PDE10A: variants seen among roughly 807,000 people sequenced by gnomAD.
PDE10A encodes cAMP and cAMP-inhibited cGMP 3',5'-cyclic phosphodiesterase 10A.
In PDE10A, 39 loss-of-function variants were observed where a neutral mutation model predicts 97.7. The ratio of observed to expected loss-of-function variants is 0.40; its 90% confidence interval spans 0.31 to 0.52. The LOEUF (loss-of-function observed/expected upper bound fraction) is 0.52. Ranked by LOEUF, PDE10A falls within the 20% of genes least tolerant of loss-of-function variation. The probability of loss-of-function intolerance (pLI) is 0.56; values close to 1 mark genes in which losing one functional copy is unlikely to be tolerated. For synonymous variants in PDE10A, 371 were observed against 376.8 expected (o/e 0.98, Z 0.18); for missense variants, 731 against 1,047.8 (o/e 0.70, Z 4.17).
At chr6:165,829,698 T>C (rs1295802537) in intron 1 of PDE10A, among the ~76,000 whole-genome samples, 1 of 152,220 alleles carries the variant, frequency 6.6e-6, no homozygotes, top group Non-Finnish European at 1.5e-5. Context: ...GATCCTACTC[T>C]CAAGTTTCCG....
chr6:165,458,774 T>C (rs1778117389), intron 3 of PDE10A, among the ~76,000 whole-genome samples: 1 of 152,192 alleles, frequency 6.6e-6, no homozygotes, highest in Admixed American at 6.5e-5. Context: ...TCAGTGTGCA[T>C]TTCCCAAGTA....
chr6:165,958,681 GGAAAGAAAGAAAGAGAAA>G (rs1562327576), intron 1 of PDE10A, among the ~76,000 whole-genome samples: 2 of 120,660 alleles, frequency 1.7e-5, no homozygotes, highest in African/African-American at 3.1e-5. Context: ...AAAGAAGGAA[GGAAAGAAAGAAAGAGAAA>G]GAAAGAAAGA....
chr6:165,854,921 G>A (rs973915466), intron 1 of PDE10A, among the ~76,000 whole-genome samples: 2 of 152,226 alleles, frequency 1.3e-5, no homozygotes, highest in African/African-American at 4.8e-5. Flanking sequence ...ATGCGGGAAG[G>A]TTTGTGAGGC....
At position 165,906,336 on chromosome 6, in the gene PDE10A, C is replaced by T. The variant is rs112355749; in HGVS notation, c.-615+81193G>A. On this transcript the variant is annotated intron_variant, in intron 1 of 19. Transcript: ENST00000366882. The stretch of plus-strand genomic sequence containing the variant: ...CTTTTCCCAGCCTCCTATGAACTCA[C>T]GTCCTGAGATCCTTTCTCCCTTCTC... Among the ~76,000 whole-genome samples, 20 of 152,016 alleles carry T rather than the reference C, an allele frequency of 1.3e-4. No homozygotes were observed. In the South Asian group the frequency reaches 2.3e-3, roughly 17 times the overall value.
chr6:165,349,422 T>C (rs561203330), intron 18 of PDE10A, among the ~76,000 whole-genome samples: 1 of 152,258 alleles, frequency 6.6e-6, no homozygotes, highest in African/African-American at 2.4e-5. Flanking sequence ...CTGTGGAACT[T>C]TGAACTTGAG....
intron 1 of PDE10A, chr6:165,576,260 A>G: frequency 1.6e-6 from 1 of 631,726 alleles, no homozygotes; most frequent in Non-Finnish European, 2.9e-6. Context: ...GGCACCAAAA[A>G]GAGTCAAGGT....
intron 1 of PDE10A, among the ~76,000 whole-genome samples, chr6:165,858,360 T>C (rs1780808279): frequency 6.6e-6 from 1 of 152,226 alleles, no homozygotes; most frequent in Non-Finnish European, 1.5e-5. Context: ...GGGGAGGCAC[T>C]GGGAACTGAG....
At chr6:165,727,474 C>T (rs1285983088) in intron 1 of PDE10A, among the ~76,000 whole-genome samples, 1 of 152,184 alleles carries the variant, frequency 6.6e-6, no homozygotes, top group East Asian at 1.9e-4. Context: ...CTCCTCCTTC[C>T]TCTCTCCAAA....
chr6:165,897,979 C>T (rs1434040103), intron 1 of PDE10A, among the ~76,000 whole-genome samples: 1 of 151,978 alleles, frequency 6.6e-6, no homozygotes, highest in Admixed American at 6.5e-5. Context: ...CCCGTGCGGT[C>T]CTTTGCCGAC....
At chr6:165,929,099 CA>C (rs1429308848) in intron 1 of PDE10A, among the ~76,000 whole-genome samples, 1 of 152,158 alleles carries the variant, frequency 6.6e-6, no homozygotes, top group Non-Finnish European at 1.5e-5. Flanking sequence ...GTTTGGAGGA[CA>C]AAACTCATGG....
chr6:165,798,670 T>G (rs929775174), intron 1 of PDE10A, among the ~76,000 whole-genome samples: 1 of 151,884 alleles, frequency 6.6e-6, no homozygotes, highest in African/African-American at 2.4e-5. Flanking sequence ...AAAGATAATG[T>G]TTTAATGATA....
intron 1 of PDE10A, among the ~76,000 whole-genome samples, chr6:165,636,731 AG>A (rs1788897494): frequency 6.6e-6 from 1 of 152,242 alleles, no homozygotes; most frequent in South Asian, 2.1e-4. Context: ...ACATTTGTGA[AG>A]TACTAATTGG....
At chr6:165,972,100 A>G (rs1784697023) in intron 1 of PDE10A, among the ~76,000 whole-genome samples, 1 of 152,332 alleles carries the variant, frequency 6.6e-6, no homozygotes, top group African/African-American at 2.4e-5. Flanking sequence ...AATCTCACTT[A>G]AAGAAAATAC....
intron 1 of PDE10A, among the ~76,000 whole-genome samples, chr6:165,604,896 A>C (rs1200164182): frequency 2.6e-5 from 4 of 152,232 alleles, no homozygotes; most frequent in Non-Finnish European, 5.9e-5. Context: ...TTGAGTTTTT[A>C]AAGTGAATAA....
intron 1 of PDE10A, among the ~76,000 whole-genome samples, chr6:165,653,943 C>T (rs1363810273): frequency 2.6e-5 from 4 of 152,080 alleles, no homozygotes; most frequent in African/African-American, 4.8e-5. Context: ...CTTCTGGCTG[C>T]GCATCTTGAG....
chr6:165,854,605 C>T (rs970924759), intron 1 of PDE10A, among the ~76,000 whole-genome samples: 3 of 152,138 alleles, frequency 2.0e-5, no homozygotes, highest in Non-Finnish European at 2.9e-5. Flanking sequence ...CTGGCCTCGC[C>T]GTCTTGTCTT....
At chr6:165,938,000 G>A (rs866871450) in intron 1 of PDE10A, among the ~76,000 whole-genome samples, 4 of 152,162 alleles carry the variant, frequency 2.6e-5, no homozygotes, top group African/African-American at 9.7e-5. Context: ...CATCACAGGA[G>A]GGTCCTCTGA....
chr6:165,580,821 T>C (rs551691526), intron 1 of PDE10A, among the ~76,000 whole-genome samples: 3 of 151,708 alleles, frequency 2.0e-5, no homozygotes, highest in East Asian at 3.9e-4. Context: ...AGACGGTAAG[T>C]CTCCTACCCA....
intron 1 of PDE10A, among the ~76,000 whole-genome samples, chr6:165,577,510 C>T (rs556213012): frequency 5.9e-4 from 90 of 152,320 alleles, no homozygotes; most frequent in African/African-American, 2.2e-3. Flanking sequence ...AAAGGCCCCA[C>T]ACCCCCAAGG....
Sources: allele counts gnomAD v4.1 joint callset (sites outside exome capture counted in the v4.1 genomes callset), GRCh38; gene constraint gnomAD v4.1.1; transcripts MANE v1.5; gene names NCBI Gene and HGNC (gene_info 2026-07-23, HGNC 2026-07-21).